MYO9A: variants seen among roughly 807,000 people sequenced by gnomAD.
MYO9A encodes myosin IXA, also known as unconventional myosin-IXa.
Under a neutral mutation model 293.3 loss-of-function variants are expected in MYO9A, and 103 were observed. The observed-to-expected ratio is 0.35, with a 90% confidence interval of 0.30 to 0.41. The LOEUF is 0.41. MYO9A is among the 10% of genes least tolerant of loss of function. The pLI is 1.00. For synonymous variants in MYO9A, 1,001 were observed against 1,035.7 expected (o/e 0.97, Z 0.64); for missense variants, 2,685 against 3,033.0 (o/e 0.89, Z 2.69).
intron 39 of MYO9A, among the ~76,000 whole-genome samples, chr15:71,831,018 T>C (rs1334286363): frequency 6.7e-6 from 1 of 149,626 alleles, no homozygotes; most frequent in Non-Finnish European, 1.5e-5. Flanking sequence ...TTACTTTATA[T>C]ATGACTTTCT....
At chr15:71,980,621 G>A (rs1160041332) in intron 11 of MYO9A, among the ~76,000 whole-genome samples, 1 of 152,110 alleles carries the variant, frequency 6.6e-6, no homozygotes, top group African/African-American at 2.4e-5. Flanking sequence ...GATCACTTGA[G>A]GCCATGAGTT....
chr15:71,897,729 C>G lies in MYO9A; in HGVS notation c.4774G>C (p.Ala1592Pro). 6.2e-7 allele frequency: 1 copy of G among 1,614,044 alleles called. No individual in the cohort carries two copies. The highest frequency in any genetic ancestry group is 1.7e-5 in the Admixed American group (1 of 59,994). ...GGTCGGTCCTTTGGGGGTAAGTGAG[C>G]AGAGGAACTGTCTTTTTGGGCAAGA... ...AALAQKDSSSAHLPPKDRPVT... is the reference protein window; with the variant it reads ...AALAQKDSSSPHLPPKDRPVT... Residue 1592 changes from alanine (A) to proline (P), a missense_variant, in exon 25 of 42, where the codon GCT (alanine) becomes CCT (proline). Ala to Pro is a conservative substitution (Grantham distance 27). Around this residue, in one of 10 missense-constraint regions of MYO9A, gnomAD observed 1,434 missense variants for 1,497.7 expected, o/e 0.96. Transcript: ENST00000356056.
At chr15:71,981,639 TTGTC>T (rs1294843954) in intron 11 of MYO9A, among the ~76,000 whole-genome samples, 10 of 134,324 alleles carry the variant, frequency 7.4e-5, no homozygotes, top group African/African-American at 2.5e-4. Context: ...TCTCTCTGTC[TTGTC>T]TCTCTCTCTC....
intron 9 of MYO9A, among the ~76,000 whole-genome samples, chr15:71,998,117 A>G (rs1163998765): frequency 6.6e-6 from 1 of 152,218 alleles, no homozygotes; most frequent in Non-Finnish European, 1.5e-5. Context: ...TGGTACTTAT[A>G]CACCGTGGAA....
chr15:72,110,314 T>C (rs2080732944), intron 1 of MYO9A, among the ~76,000 whole-genome samples: 2 of 150,966 alleles, frequency 1.3e-5, no homozygotes, highest in Non-Finnish European at 1.5e-5. Context: ...CAGGCACCTG[T>C]AATCCCAGCT....
intron 1 of MYO9A, among the ~76,000 whole-genome samples, chr15:72,106,210 A>AC (rs2080562915): frequency 6.6e-6 from 1 of 152,102 alleles, no homozygotes; most frequent in African/African-American, 2.4e-5. Context: ...AGGCACAATG[A>AC]CTCATGCCTG....
At chr15:72,073,299 C>T (rs2079248255) in intron 1 of MYO9A, among the ~76,000 whole-genome samples, 2 of 152,236 alleles carry the variant, frequency 1.3e-5, no homozygotes, top group African/African-American at 4.8e-5. Flanking sequence ...GTTCCTGTAA[C>T]AAAAATGGAT....
intron 39 of MYO9A, among the ~76,000 whole-genome samples, chr15:71,839,203 T>C (rs1428080960): frequency 6.6e-6 from 1 of 152,206 alleles, no homozygotes; most frequent in East Asian, 1.9e-4. Flanking sequence ...CTGATAACTT[T>C]GCTGATTTCC....
At chr15:72,098,613 G>A (rs2080144806) in intron 1 of MYO9A, among the ~76,000 whole-genome samples, 1 of 152,074 alleles carries the variant, frequency 6.6e-6, no homozygotes, top group African/African-American at 2.4e-5. Flanking sequence ...AAAAATTAGA[G>A]AGCTATCTAT....
chr15:72,092,073 A>C (rs997541787), intron 1 of MYO9A, among the ~76,000 whole-genome samples: 1 of 152,164 alleles, frequency 6.6e-6, no homozygotes, highest in African/African-American at 2.4e-5. Context: ...ATAAGCCCAA[A>C]ACATAAGATA....
chr15:72,109,874 C>T (rs919773145), intron 1 of MYO9A, among the ~76,000 whole-genome samples: 2 of 149,724 alleles, frequency 1.3e-5, no homozygotes, highest in African/African-American at 2.5e-5. Context: ...GTAGCCTGGG[C>T]GACAGAGCAA....
chr15:71,831,223 C>A (rs954811995), intron 39 of MYO9A, among the ~76,000 whole-genome samples: 2 of 152,148 alleles, frequency 1.3e-5, no homozygotes, highest in African/African-American at 4.8e-5. Context: ...CAGAGGACGG[C>A]AAACTATAGC....
intron 38 of MYO9A, among the ~76,000 whole-genome samples, chr15:71,849,445 A>G (rs2055538293): frequency 6.6e-6 from 1 of 151,796 alleles, no homozygotes; most frequent in African/African-American, 2.4e-5. Context: ...GTAAAACTCC[A>G]TCTCAAAAAA....
chr15:72,024,318 C>T (rs909889780), intron 4 of MYO9A, among the ~76,000 whole-genome samples: 2 of 152,190 alleles, frequency 1.3e-5, no homozygotes, highest in Admixed American at 1.3e-4. Context: ...GGATCTCACT[C>T]TGTTGCCCAG....
intron 41 of MYO9A, 71 bp from the exon 42 acceptor site, chr15:71,827,114 A>G (rs1567172659): frequency 1.7e-6 from 2 of 1,167,378 alleles, no homozygotes; most frequent in African/African-American, 3.1e-5. Context: ...TAATGAATAG[A>G]TGCCACTGTT....
chr15:71,854,141 A>C (rs2055769525), intron 35 of MYO9A, among the ~76,000 whole-genome samples: 1 of 152,220 alleles, frequency 6.6e-6, no homozygotes, highest in Admixed American at 6.5e-5. Context: ...TTATTACAAA[A>C]ATTAAATGAG....
intron 11 of MYO9A, among the ~76,000 whole-genome samples, chr15:71,990,754 CAA>C (rs11422716): frequency 1.4e-4 from 18 of 129,304 alleles, no homozygotes; most frequent in Non-Finnish European, 1.5e-4. Flanking sequence ...GAGACTCAGT[CAA>C]AAAAAAAAAA....
At chr15:72,114,256 A>G (rs187395761) in intron 1 of MYO9A, 1 of 152,366 alleles carries the variant, frequency 6.6e-6, no homozygotes, top group East Asian at 1.9e-4. Context: ...GCATTTTAGA[A>G]TACTTACTCC....
At chr15:71,922,982 C>T (rs1195247317) in intron 18 of MYO9A, among the ~76,000 whole-genome samples, 1 of 152,010 alleles carries the variant, frequency 6.6e-6, no homozygotes, top group African/African-American at 2.4e-5. Context: ...AGAAGAAAAG[C>T]TTTCCATTTT....
Sources: gnomAD v4.1 joint callset for allele counts (sites outside exome capture counted in the v4.1 genomes callset) on GRCh38, gnomAD v4.1.1 for gene constraint, gnomAD v4.1.1 regional missense constraint, MANE v1.5 for transcripts, NCBI Gene and HGNC (gene_info 2026-07-23, HGNC 2026-07-21) for gene names.